The following LRRTM3 variants were observed in gnomAD, a reference collection of about 807,000 sequenced individuals.
The protein encoded by LRRTM3 is leucine rich repeat transmembrane neuronal 3, also known as leucine-rich repeat transmembrane neuronal protein 3.
In LRRTM3, 24 loss-of-function variants were observed where a neutral mutation model predicts 44.7. That is an observed-to-expected ratio of 0.54 (90% CI 0.39 to 0.76). The LOEUF (loss-of-function observed/expected upper bound fraction) is 0.76. LRRTM3 is among the 30% of genes least tolerant of loss of function. The pLI is 0.00. For synonymous variants in LRRTM3, 277 were observed against 278.7 expected, an observed-to-expected ratio of 0.99 and a Z score of 0.06; for missense variants, 587 against 702.2, an observed-to-expected ratio of 0.84 and a Z score of 1.85.
At chr10:66,953,905 T>C (rs915908883) in intron 2 of LRRTM3, among the ~76,000 whole-genome samples, 3 of 152,162 alleles carry the variant, frequency 2.0e-5, no homozygotes, top group African/African-American at 7.2e-5. Context: ...TGAACCTTCA[T>C]TTCCTCTGCT....
At chr10:66,974,724 T>G (rs548693264) in intron 2 of LRRTM3, among the ~76,000 whole-genome samples, 9 of 152,312 alleles carry the variant, frequency 5.9e-5, no homozygotes, top group African/African-American at 1.9e-4. Context: ...CAGGAAGTTA[T>G]ATTCTCATTG....
intron 2 of LRRTM3, among the ~76,000 whole-genome samples, chr10:66,929,424 C>G (rs1589438929): frequency 1.3e-5 from 2 of 152,132 alleles, no homozygotes; most frequent in African/African-American, 4.8e-5. Context: ...TTAGCTCTGT[C>G]CTGTTCTGTT....
At chr10:67,062,982 T>C (rs548626196) in intron 2 of LRRTM3, among the ~76,000 whole-genome samples, 5 of 152,180 alleles carry the variant, frequency 3.3e-5, no homozygotes, top group African/African-American at 7.2e-5. Flanking sequence ...TGTTTTTTTT[T>C]CTGATCGTTG....
intron 2 of LRRTM3, among the ~76,000 whole-genome samples, chr10:67,045,490 T>G (rs1854675290): frequency 6.6e-6 from 1 of 152,166 alleles, no homozygotes; most frequent in African/African-American, 2.4e-5. Flanking sequence ...TTTCAATAGA[T>G]CGCGGCGAGG....
intron 2 of LRRTM3, among the ~76,000 whole-genome samples, chr10:66,990,594 T>C (rs1850988938): frequency 6.6e-6 from 1 of 152,112 alleles, no homozygotes; most frequent in South Asian, 2.1e-4. Flanking sequence ...AACTGAGAAA[T>C]AAAGAGGTCA....
intron 2 of LRRTM3, among the ~76,000 whole-genome samples, chr10:67,063,721 G>A (rs1855898347): frequency 6.6e-6 from 1 of 152,130 alleles, no homozygotes; most frequent in Non-Finnish European, 1.5e-5. Flanking sequence ...GCCAAATGAG[G>A]GTTACTTGTA....
chr10:66,941,507 C>G (rs917558606), intron 2 of LRRTM3, among the ~76,000 whole-genome samples: 5 of 152,120 alleles, frequency 3.3e-5, no homozygotes, highest in African/African-American at 1.2e-4. Flanking sequence ...TCACCTCTTT[C>G]CTTTCAACTG....
chr10:67,013,296 A>C (rs995048123), intron 2 of LRRTM3, among the ~76,000 whole-genome samples: 6 of 151,562 alleles, frequency 4.0e-5, no homozygotes, highest in African/African-American at 1.5e-4. Context: ...TTAAAGTTGT[A>C]TATCTATAAT....
At chr10:67,029,016 T>C (rs940450543) in intron 2 of LRRTM3, among the ~76,000 whole-genome samples, 1 of 152,208 alleles carries the variant, frequency 6.6e-6, no homozygotes, top group Non-Finnish European at 1.5e-5. Flanking sequence ...GTTTTCTCTG[T>C]GCTTTCCATT....
intron 2 of LRRTM3, among the ~76,000 whole-genome samples, chr10:66,985,943 G>C (rs1250892829): frequency 6.6e-6 from 1 of 152,040 alleles, no homozygotes; most frequent in Admixed American, 6.6e-5. Flanking sequence ...GGCCAGGATG[G>C]TCTCGATCTC....
chr10:67,008,022 T>A (rs1852107660), intron 2 of LRRTM3, among the ~76,000 whole-genome samples: 1 of 152,006 alleles, frequency 6.6e-6, no homozygotes, highest in African/African-American at 2.4e-5. Context: ...AATCACAGTA[T>A]AAGAACTTTA....
chr10:66,931,358 TTAAA>T (rs1340735846), intron 2 of LRRTM3, among the ~76,000 whole-genome samples: 4 of 152,198 alleles, frequency 2.6e-5, no homozygotes, highest in African/African-American at 4.8e-5. Flanking sequence ...CAGCATGTAG[TTAAA>T]TAGTCCCAGT....
At position 66,927,366 on chromosome 10, in the gene LRRTM3, T is replaced by C. The variant is rs1564772093; in HGVS notation, c.450T>C (p.Ser150=). ...ATAATCAGCTGCATTCTCTGGGATCTGAACAGTTTCGGGGCTTGCGGAAGC... is the reference window on the plus strand; with the variant it reads ...ATAATCAGCTGCATTCTCTGGGATCCGAACAGTTTCGGGGCTTGCGGAAGC... ...LSYNQLHSLG[S]EQFRGLRKLL... is the part of the protein sequence containing the mutation. Residue 150 remains serine, a synonymous_variant, in exon 2 of 3, where the codon TCT becomes TCC. Transcript: ENST00000361320. The surrounding 1 kb of genome is among the most constrained non-coding windows in gnomAD (Gnocchi z 4.7). The C allele has an allele frequency of 6.2e-7, 1 of 1,614,210 alleles. No individual in the cohort carries two copies. Among genetic ancestry groups the C allele is most frequent in the Admixed American group, 1.7e-5 (1 of 60,030 alleles).
chr10:67,088,460 A>C (rs981893180), intron 2 of LRRTM3, among the ~76,000 whole-genome samples: 1 of 151,982 alleles, frequency 6.6e-6, no homozygotes, highest in African/African-American at 2.4e-5. Flanking sequence ...ACATCATTTA[A>C]ATAGTTAAGA....
chr10:66,978,526 C>CA (rs1170594360), intron 2 of LRRTM3, among the ~76,000 whole-genome samples: 1,480 of 42,300 alleles, frequency 0.035, 185 homozygotes, highest in African/African-American at 0.061. Context: ...GACTCCATCT[C>CA]AAAAAAAAAA....
chr10:67,035,425 C>T (rs75771124), intron 2 of LRRTM3, among the ~76,000 whole-genome samples: 1,837 of 152,048 alleles, frequency 0.012, 48 homozygotes, highest in African/African-American at 0.042. Flanking sequence ...AGTTAAGTTC[C>T]TTTGAAGTTG....
At chr10:67,027,602 C>G (rs150833588) in intron 2 of LRRTM3, among the ~76,000 whole-genome samples, 2 of 151,648 alleles carry the variant, frequency 1.3e-5, no homozygotes, top group Non-Finnish European at 2.9e-5. Flanking sequence ...GCCCAGCTAA[C>G]TTTTTTGTAT....
chr10:67,062,284 A>G (rs918921425), intron 2 of LRRTM3, among the ~76,000 whole-genome samples: 3 of 152,174 alleles, frequency 2.0e-5, no homozygotes, highest in Non-Finnish European at 4.4e-5. Context: ...AACTTATAGC[A>G]TATAAGCTCC....
chr10:66,926,743 T>G (rs1242448200), intron 1 of LRRTM3, among the ~76,000 whole-genome samples, 156 bp downstream of exon 1: 1 of 152,100 alleles, frequency 6.6e-6, no homozygotes, highest in Non-Finnish European at 1.5e-5. Context: ...CTTGTTTAAC[T>G]ATTTAAAAAA....
Sources: gnomAD v4.1 joint callset for allele counts (sites outside exome capture counted in the v4.1 genomes callset) on GRCh38, gnomAD v4.1.1 for gene constraint, Gnocchi (gnomAD v3.1) non-coding constraint, MANE v1.5 for transcripts, NCBI Gene and HGNC (gene_info 2026-07-23, HGNC 2026-07-21) for gene names.